SLC37A1: variants seen among roughly 807,000 people sequenced by gnomAD.
The protein encoded by SLC37A1 is glucose-6-phosphate exchanger SLC37A1.
SLC37A1 carries 49 observed loss-of-function variants against 75.3 expected under a neutral mutation model. That is an observed-to-expected ratio of 0.65 (90% confidence interval 0.52 to 0.83). SLC37A1 has a LOEUF of 0.83. SLC37A1 is among the 40% of genes least tolerant of loss of function. The pLI is 0.00. For missense variants in SLC37A1, 566 were observed against 695.0 expected (o/e 0.81, Z 2.09); for synonymous variants, 268 against 292.1 (o/e 0.92, Z 0.84).
At chr21:42,543,783 T>G (rs1479266338) in intron 8 of SLC37A1, among the ~76,000 whole-genome samples, 181 bp downstream of exon 8, 1 of 152,250 alleles carries the variant, frequency 6.6e-6, no homozygotes, top group Non-Finnish European at 1.5e-5. Flanking sequence ...CTGGTTTTGC[T>G]GGATTTCCTA....
intron 18 of SLC37A1, among the ~76,000 whole-genome samples, chr21:42,579,382 T>TC (rs535199522): frequency 8.7e-4 from 132 of 152,356 alleles, no homozygotes; most frequent in Admixed American, 2.4e-3. Context: ...ATTTCCTTTT[T>TC]CCCACTGTGG....
chr21:42,580,794 GA>G lies in SLC37A1; in HGVS notation c.*439del. On this transcript the variant is annotated 3_prime_UTR_variant, in exon 20 of 20. Coordinates refer to ENST00000352133, the MANE Select transcript of SLC37A1 (RefSeq NM_001320537.2). ...TCAGAGAACCTGTATGTGCCACATG[GA>G]AAAACAGGACACCAGAGCCCACCAG... 1.0e-5 allele frequency: 2 copies of G among 196,726 alleles called. No individual in the cohort carries two copies. The highest frequency in any genetic ancestry group is 9.2e-5 in the South Asian group (1 of 10,910). The allele number at this position is 196,726 out of a possible 1,614,324, so 12.2% of individuals were successfully genotyped here. A position where few individuals can be genotyped will look rare whatever the true frequency, so the allele number is the denominator to read the frequency against.
Position 42,580,989 on chromosome 21 carries a change from A to C in SLC37A1, c.*629A>C, listed in dbSNP as rs990258153. 6.5e-6 allele frequency: 1 copy of C among 152,870 alleles called. No homozygotes were observed. The highest frequency in any genetic ancestry group is 2.4e-5 in the African/African-American group (1 of 41,488). The allele number at this position is 152,870 out of a possible 1,614,324, so 9.5% of individuals were successfully genotyped here. A position where few individuals can be genotyped will look rare whatever the true frequency, so the allele number is the denominator to read the frequency against. ...CTAAAAACTAATTGTCGAGAAGCCAAGGGTGAGGAGGCAGGAAGCACCTCC... is the reference window on the plus strand; with the variant it reads ...CTAAAAACTAATTGTCGAGAAGCCACGGGTGAGGAGGCAGGAAGCACCTCC... On this transcript the variant is annotated 3_prime_UTR_variant, in exon 20 of 20. Transcript: ENST00000352133.
At chr21:42,556,946 T>C (rs897526221) in intron 10 of SLC37A1, among the ~76,000 whole-genome samples, 2 of 152,120 alleles carry the variant, frequency 1.3e-5, no homozygotes, top group Non-Finnish European at 2.9e-5. Context: ...TCTCGGGGGC[T>C]CCTTGCTGCT....
intron 7 of SLC37A1, 48 bp from the exon 8 acceptor site, chr21:42,543,388 T>C: frequency 1.2e-6 from 2 of 1,613,078 alleles, no homozygotes; most frequent in South Asian, 2.2e-5. Flanking sequence ...CTGGACTCGT[T>C]TCAGCTTCTC....
intron 1 of SLC37A1, among the ~76,000 whole-genome samples, chr21:42,516,983 G>A (rs115750732): frequency 1.3e-5 from 2 of 152,202 alleles, no homozygotes; most frequent in South Asian, 2.1e-4. Flanking sequence ...AGCAGACGTG[G>A]TTTTGAAGTA....
chr21:42,535,393 C>G (rs1001571607), intron 4 of SLC37A1, 79 bp from the exon 5 acceptor site: 1 of 1,253,994 alleles, frequency 8.0e-7, no homozygotes, highest in Non-Finnish European at 1.2e-6. Flanking sequence ...GGAACAGATG[C>G]TTTGTGTTTT....
rs144262804 is a variant in SLC37A1 at position 42,544,414 on chromosome 21, G to T, written c.730+812G>T. The stretch of plus-strand genomic sequence containing the variant: ...AAGTTCATCCATATTCCATTTAGTC[G>T]CTCACTTTTTTTGTCTTGCAAAAGC... On this transcript the variant is annotated intron_variant, in intron 8 of 19. Coordinates refer to ENST00000352133, the MANE Select transcript of SLC37A1 (RefSeq NM_001320537.2). Among the ~76,000 whole-genome samples the T allele has an allele frequency of 2.0e-3, 302 of 152,268 alleles. 1 individual carries two copies. The highest frequency in any genetic ancestry group is 7.0e-3 in the African/African-American group (292 of 41,548).
At chr21:42,541,216 G>T (rs2055274263) in intron 6 of SLC37A1, among the ~76,000 whole-genome samples, 1 of 152,228 alleles carries the variant, frequency 6.6e-6, no homozygotes, top group Non-Finnish European at 1.5e-5. Context: ...GATCTGACAG[G>T]AGGTGGAGCT....
At position 42,579,034 on chromosome 21, in the gene SLC37A1, G is replaced by A. The variant is rs143914353; in HGVS notation, c.1522-702G>A. On this transcript the variant is annotated intron_variant, in intron 18 of 19. Coordinates refer to ENST00000352133, the MANE Select transcript of SLC37A1 (RefSeq NM_001320537.2). ...CTGATGTCCCACTTGGGGAGAGACTGGATCCACACTGGAAAATGCACTAGT... is the reference window on the plus strand; with the variant it reads ...CTGATGTCCCACTTGGGGAGAGACTAGATCCACACTGGAAAATGCACTAGT... 4.1e-3 allele frequency among the ~76,000 whole-genome samples: 617 copies of A among 152,120 alleles called. 6 individuals carry two copies. The highest frequency in any genetic ancestry group is 0.014 in the African/African-American group (570 of 41,496).
At chr21:42,517,140 T>G (rs148879276) in intron 1 of SLC37A1, among the ~76,000 whole-genome samples, 1 of 152,366 alleles carries the variant, frequency 6.6e-6, no homozygotes, top group African/African-American at 2.4e-5. Flanking sequence ...TAGTGTTTGT[T>G]GCGCATTTAC....
intron 15 of SLC37A1, 52 bp from the exon 16 acceptor site, chr21:42,566,933 C>T (rs959150149): frequency 1.0e-5 from 16 of 1,567,914 alleles, no homozygotes; most frequent in Non-Finnish European, 1.2e-5. Flanking sequence ...CCTATGCATG[C>T]GGGGCTCTCT....
At chr21:42,569,687 G>A (rs569399206) in intron 17 of SLC37A1, among the ~76,000 whole-genome samples, 4 of 152,368 alleles carry the variant, frequency 2.6e-5, no homozygotes, top group South Asian at 2.1e-4. Context: ...TCTCTGGAGC[G>A]CTCTCCCCAT....
At chr21:42,563,537 A>G (rs1324681738) in intron 12 of SLC37A1, among the ~76,000 whole-genome samples, 1 of 152,146 alleles carries the variant, frequency 6.6e-6, no homozygotes, top group African/African-American at 2.4e-5. Context: ...GTCCTGTGTT[A>G]ATCTAACTTT....
At chr21:42,534,118 C>CA (rs2055068808) in intron 3 of SLC37A1, among the ~76,000 whole-genome samples, 1 of 152,170 alleles carries the variant, frequency 6.6e-6, no homozygotes, top group Non-Finnish European at 1.5e-5. Context: ...CACATTGTCC[C>CA]CCTTTAGGTA....
At chr21:42,564,451 T>C (rs1014916805) in intron 13 of SLC37A1, among the ~76,000 whole-genome samples, 5 of 152,108 alleles carry the variant, frequency 3.3e-5, no homozygotes, top group African/African-American at 7.2e-5. Flanking sequence ...GCCACCTTAG[T>C]ACCTTGATAG....
Position 42,514,861 on chromosome 21 carries a change from C to T in SLC37A1, c.-179+144C>T, listed in dbSNP as rs191827306. 1 of 152,422 alleles carries T rather than the reference C, an allele frequency of 6.6e-6. No individual in the cohort carries two copies. The highest frequency in any genetic ancestry group is 1.5e-5 in the Non-Finnish European group (1 of 68,076). The allele number at this position is 152,422 out of a possible 1,614,324, so 9.4% of individuals were successfully genotyped here. A position where few individuals can be genotyped will look rare whatever the true frequency, so the allele number is the denominator to read the frequency against. On this transcript the variant is annotated intron_variant, in intron 1 of 19. Transcript: ENST00000352133. This position sits in a 1 kb window ranked among gnomAD's most constrained non-coding sequence, Gnocchi z 4.8. ...TTGCTAAAGCCTGCCCTTTCCGGGT[C>T]TCCCTTAGCTCTTTGCCTGGAAGGT...
intron 3 of SLC37A1, among the ~76,000 whole-genome samples, chr21:42,529,266 C>A (rs1015324619): frequency 6.6e-6 from 1 of 152,084 alleles, no homozygotes; most frequent in Non-Finnish European, 1.5e-5. Context: ...AATGTTGAAT[C>A]CCTATTTTAT....
intron 3 of SLC37A1, among the ~76,000 whole-genome samples, chr21:42,530,203 A>G (rs923526422): frequency 3.3e-5 from 5 of 152,240 alleles, no homozygotes; most frequent in Non-Finnish European, 5.9e-5. Flanking sequence ...ACTTTGAGTA[A>G]GAAGTTAACA....
Sources: allele counts gnomAD v4.1 joint callset (sites outside exome capture counted in the v4.1 genomes callset), GRCh38; gene constraint gnomAD v4.1.1; non-coding constraint Gnocchi (gnomAD v3.1); transcripts MANE v1.5; gene names NCBI Gene and HGNC (gene_info 2026-07-23, HGNC 2026-07-21).